ZBTB8OS: variants seen among roughly 807,000 people sequenced by gnomAD.
ZBTB8OS encodes the protein tRNA splicing ligase complex subunit 1.
ZBTB8OS carries 16 observed loss-of-function variants against 29.3 expected under a neutral mutation model. That is an observed-to-expected ratio of 0.55 (90% CI 0.37 to 0.83). ZBTB8OS has a LOEUF of 0.83. ZBTB8OS is among the 40% of genes least tolerant of loss of function. The pLI is 0.00. For synonymous variants in ZBTB8OS, 70 were observed against 64.6 expected, an observed-to-expected ratio of 1.08 and a Z score of -0.40; for missense variants, 160 against 196.9, an observed-to-expected ratio of 0.81 and a Z score of 1.12.
At chr1:32,636,150 CCT>C (rs1226799703) in intron 1 of ZBTB8OS, among the ~76,000 whole-genome samples, 1 of 152,116 alleles carries the variant, frequency 6.6e-6, no homozygotes, top group Non-Finnish European at 1.5e-5. Flanking sequence ...ACTTCAATCC[CCT>C]GTGATTCCAT....
intron 5 of ZBTB8OS, among the ~76,000 whole-genome samples, chr1:32,629,659 T>C (rs542116719): frequency 8.6e-5 from 13 of 151,992 alleles, no homozygotes; most frequent in African/African-American, 3.1e-4. Context: ...CTAATGTGAG[T>C]GAAGATCACA....
chr1:32,623,479 C>T (rs1196367050), intron 6 of ZBTB8OS, among the ~76,000 whole-genome samples: 5 of 152,190 alleles, frequency 3.3e-5, no homozygotes, highest in African/African-American at 1.2e-4. Flanking sequence ...GTAAGAGCAA[C>T]TCAGTAAGAA....
chr1:32,640,189 C>CT (rs1646290265), intron 1 of ZBTB8OS: 1 of 152,132 alleles, frequency 6.6e-6, no homozygotes, highest in African/African-American at 2.4e-5. Context: ...CTCCACCTCC[C>CT]TGGTTCAAGC....
At chr1:32,646,811 C>T (rs1190917667) in intron 1 of ZBTB8OS, among the ~76,000 whole-genome samples, 2 of 148,070 alleles carry the variant, frequency 1.4e-5, no homozygotes, top group Non-Finnish European at 3.0e-5. Flanking sequence ...CTCAGGTGGG[C>T]GGATCACTTG....
At chr1:32,648,963 CTTT>C (rs34143853) in intron 1 of ZBTB8OS, among the ~76,000 whole-genome samples, 5 of 58,740 alleles carry the variant, frequency 8.5e-5, no homozygotes, top group East Asian at 5.7e-4. Flanking sequence ...AGCACCAGGC[CTTT>C]TTTTTTTTTT....
rs1404690219 is a variant in ZBTB8OS, at chr1:32,621,904, A to G, written c.462T>C (p.Tyr154=). The G allele has an allele frequency of 6.3e-7, 1 of 1,595,102 alleles. No homozygotes were observed. Among genetic ancestry groups the G allele is most frequent in the Non-Finnish European group, 8.5e-7 (1 of 1,176,544 alleles). Residue 154 remains tyrosine (Y), a synonymous_variant, in exon 7 of 7, where the codon TAT becomes TAC. Transcript: ENST00000468695. The part of the protein sequence containing the change: ...KAITYSAMQV[Y]NEENPEVFVI... ...CAAAAACTTCCGGGTTCTCTTCATTATAGACCTGCATTGCTGAATATGTTA... is the reference window on the plus strand; with the variant it reads ...CAAAAACTTCCGGGTTCTCTTCATTGTAGACCTGCATTGCTGAATATGTTA...
intron 1 of ZBTB8OS, among the ~76,000 whole-genome samples, chr1:32,648,500 A>G (rs1380830525): frequency 3.3e-5 from 5 of 152,188 alleles, no homozygotes. Context: ...AAATTGGTTA[A>G]AGCAAATGCT....
intron 4 of ZBTB8OS, chr1:32,632,147 G>A (rs1012730904): frequency 5.7e-5 from 11 of 192,514 alleles, no homozygotes; most frequent in South Asian, 2.3e-4. Flanking sequence ...GACTACAGGC[G>A]CCTGCCACCA....
intron 6 of ZBTB8OS, among the ~76,000 whole-genome samples, chr1:32,626,337 A>G (rs1014608751): frequency 2.0e-5 from 3 of 152,200 alleles, no homozygotes; most frequent in African/African-American, 7.2e-5. Context: ...AGGTTATAGC[A>G]TCTAGGTTTG....
rs1645826905 is a variant in ZBTB8OS, at chr1:32,634,764, T to A, written c.122+4A>T. 3 of 1,613,890 alleles carry A rather than the reference T, an allele frequency of 1.9e-6. No homozygotes were observed. ...TCAAAGGAATGAACTCCCGCTATAC[T>A]CACTGGACATCTGCTGTATGATCCA... On this transcript the variant is annotated splice_donor_region_variant and intron_variant, in intron 2 of 6. Transcript: ENST00000468695.
At chr1:32,638,329 A>G (rs1362126460) in intron 1 of ZBTB8OS, among the ~76,000 whole-genome samples, 5 of 141,550 alleles carry the variant, frequency 3.5e-5, no homozygotes, top group Non-Finnish European at 3.0e-5. Flanking sequence ...AGTAGCTGGG[A>G]TTACAGGCAT....
intron 1 of ZBTB8OS, among the ~76,000 whole-genome samples, chr1:32,639,399 T>G (rs1391808413): frequency 6.6e-6 from 1 of 152,146 alleles, no homozygotes; most frequent in East Asian, 1.9e-4. Context: ...TATATCCTAG[T>G]ATTCCTGGGC....
intron 1 of ZBTB8OS, among the ~76,000 whole-genome samples, chr1:32,647,234 G>A (rs1237274606): frequency 7.2e-6 from 1 of 138,574 alleles, no homozygotes; most frequent in Non-Finnish European, 1.5e-5. Flanking sequence ...CAGGCACGGT[G>A]GTGCATACCT....
chr1:32,625,528 C>T (rs796836933), intron 6 of ZBTB8OS, among the ~76,000 whole-genome samples: 14 of 149,496 alleles, frequency 9.4e-5, no homozygotes, highest in African/African-American at 3.3e-4. Context: ...CATGAGACTC[C>T]GTCTCAAAAA....
At chr1:32,644,299 C>A (rs1452643282) in intron 1 of ZBTB8OS, among the ~76,000 whole-genome samples, 1 of 151,982 alleles carries the variant, frequency 6.6e-6, no homozygotes, top group Admixed American at 6.6e-5. Context: ...TCAGCTTGCA[C>A]AAGTTAAGTC....
At chr1:32,648,476 C>G (rs532720706) in intron 1 of ZBTB8OS, among the ~76,000 whole-genome samples, 2 of 152,252 alleles carry the variant, frequency 1.3e-5, no homozygotes, top group Non-Finnish European at 2.9e-5. Flanking sequence ...ATAGCCTAAA[C>G]GTCCATCAAC....
At chr1:32,623,466 AAAGT>A (rs1437221576) in intron 6 of ZBTB8OS, among the ~76,000 whole-genome samples, 1 of 152,170 alleles carries the variant, frequency 6.6e-6, no homozygotes, top group African/African-American at 2.4e-5. Flanking sequence ...CTTCCTAGAG[AAAGT>A]AAGAGCAACT....
At chr1:32,627,593 T>C (rs764965484) in intron 5 of ZBTB8OS, 49 bp from the exon 6 acceptor site, 2 of 1,570,088 alleles carry the variant, frequency 1.3e-6, no homozygotes, top group Non-Finnish European at 8.7e-7. Flanking sequence ...TCTCTTTATA[T>C]GTTTTAAAAT....
At chr1:32,650,614 C>T (rs777233381), upstream of ZBTB8OS, 12 of 1,611,118 alleles carry the variant, frequency 7.4e-6, 1 homozygote, top group Middle Eastern at 1.7e-4. Context: ...GACTCCGCCC[C>T]TTGGCGCACA....
Sources: allele counts gnomAD v4.1 joint callset (sites outside exome capture counted in the v4.1 genomes callset), GRCh38; gene constraint gnomAD v4.1.1; transcripts MANE v1.5; gene names NCBI Gene and HGNC (gene_info 2026-07-23, HGNC 2026-07-21).